TAFA2: variants seen among roughly 807,000 people sequenced by gnomAD.
TAFA2 encodes chemokine-like protein TAFA-2.
A neutral mutation model predicts 18.8 loss-of-function variants in TAFA2; 7 were observed. The observed-to-expected ratio is 0.37, with a 90% CI of 0.21 to 0.70. The LOEUF is 0.70. Among genes scored for constraint, TAFA2 ranks in the 30% least tolerant of loss-of-function variants. The probability of loss-of-function intolerance (pLI) is 0.53; values close to 1 mark genes in which losing one functional copy is unlikely to be tolerated. For synonymous variants in TAFA2, 60 were observed against 54.2 expected (o/e 1.11, Z -0.47); for missense variants, 122 against 158.1 (o/e 0.77, Z 1.23).
chr12:62,117,505 A>C (rs1367705434), intron 1 of TAFA2, among the ~76,000 whole-genome samples: 1 of 152,218 alleles, frequency 6.6e-6, no homozygotes, highest in African/African-American at 2.4e-5. Context: ...GGGACCCCAC[A>C]TATTTCCAAC....
At chr12:62,059,127 A>ATGTGTGTGTGTG (rs1565730985) in intron 1 of TAFA2, among the ~76,000 whole-genome samples, 3 of 83,198 alleles carry the variant, frequency 3.6e-5, no homozygotes, top group African/African-American at 1.4e-4. Context: ...TAATATATAT[A>ATGTGTGTGTGTG]TATGTGTGTA....
intron 1 of TAFA2, 58 bp from the exon 2 acceptor site, chr12:61,867,484 T>A (rs1874408986): frequency 2.9e-6 from 3 of 1,050,616 alleles, no homozygotes; most frequent in Admixed American, 3.8e-5. Flanking sequence ...TTTTCCCTTA[T>A]GATTGTGCTA....
intron 1 of TAFA2, among the ~76,000 whole-genome samples, chr12:61,889,211 T>A (rs1485686361): frequency 6.6e-6 from 1 of 152,242 alleles, no homozygotes; most frequent in Admixed American, 6.5e-5. Flanking sequence ...TTCTGTTGTC[T>A]CATAAGGAAC....
In TAFA2 at chr12:61,799,821, C is replaced by CAAAAT. The variant is rs983663428; in HGVS notation, c.107-44802_107-44798dup. Among the ~76,000 whole-genome samples, 62 of 151,926 alleles carry CAAAAT rather than the reference C, an allele frequency of 4.1e-4. 1 individual carries two copies. In the East Asian group the frequency reaches 5.8e-3, roughly 14 times the overall value. ...TGGGCGACAGAGCAAGACTCCGTCT[C>CAAAAT]AAAATAAAATAAAATAAAATAAAAA... is the stretch of plus-strand genomic sequence containing the variant. On this transcript the variant is annotated intron_variant, in intron 2 of 4. Coordinates refer to ENST00000416284, the MANE Select transcript of TAFA2 (RefSeq NM_178539.5).
At chr12:61,859,670 C>T (rs1592440376) in intron 2 of TAFA2, among the ~76,000 whole-genome samples, 1 of 152,150 alleles carries the variant, frequency 6.6e-6, no homozygotes, top group African/African-American at 2.4e-5. Context: ...TCTCAAACTC[C>T]TGACCTCGTG....
In TAFA2 at chr12:61,754,880, C is replaced by A; in HGVS notation, c.251G>T (p.Cys84Phe). 6.2e-7 allele frequency: 1 copy of A among 1,612,652 alleles called. No homozygotes were observed. The highest frequency in any genetic ancestry group is 8.5e-7 in the Non-Finnish European group (1 of 1,179,248). Reference sequence around the variant, plus strand: ...AATGGAAGAAGTCACACCATCCACACATGATGGAGCAGCTCGCGTGGTGCC... The same window carrying A: ...AATGGAAGAAGTCACACCATCCACAAATGATGGAGCAGCTCGCGTGGTGCC... ...VAGTTRAAPSCVDASIVEQKW... is the reference protein window; with the variant it reads ...VAGTTRAAPSFVDASIVEQKW... The change falls in exon 3 of 5, where the codon TGT (cysteine) becomes TTT (phenylalanine). Residue 84 changes from cysteine to phenylalanine, a missense_variant. Around this residue, in one of 2 missense-constraint regions of TAFA2, gnomAD observed 60 missense variants for 102.7 expected, o/e 0.58. Transcript: ENST00000416284.
chr12:61,947,675 A>G (rs933870385), intron 1 of TAFA2, among the ~76,000 whole-genome samples: 1 of 152,090 alleles, frequency 6.6e-6, no homozygotes, highest in East Asian at 1.9e-4. Context: ...CCAACAATAC[A>G]TGCTCTAAGA....
chr12:62,230,781 G>A (rs1268024275), intron 1 of TAFA2, among the ~76,000 whole-genome samples: 1 of 152,136 alleles, frequency 6.6e-6, no homozygotes, highest in Non-Finnish European at 1.5e-5. Context: ...GGGCTCACAT[G>A]ATCTTCTTGC....
intron 2 of TAFA2, among the ~76,000 whole-genome samples, chr12:61,764,439 T>C (rs566381748): frequency 6.6e-6 from 1 of 152,188 alleles, no homozygotes; most frequent in Admixed American, 6.6e-5. Flanking sequence ...AAGTGCTTTC[T>C]GAGGGAATGA....
chr12:61,796,167 TAGACAGACTAG>T (rs1355974060), intron 2 of TAFA2, among the ~76,000 whole-genome samples: 1 of 152,158 alleles, frequency 6.6e-6, no homozygotes, highest in African/African-American at 2.4e-5. Flanking sequence ...AACATATTTC[TAGACAGACTAG>T]TTAATGTTTA....
chr12:61,793,691 A>G (rs1871077589), intron 2 of TAFA2, among the ~76,000 whole-genome samples: 1 of 151,818 alleles, frequency 6.6e-6, no homozygotes, highest in African/African-American at 2.4e-5. Context: ...TACCAATTCT[A>G]TGAAAACCCT....
At chr12:62,139,858 G>C (rs2062226231) in intron 1 of TAFA2, 1 of 152,166 alleles carries the variant, frequency 6.6e-6, no homozygotes, top group East Asian at 1.9e-4. Context: ...GTCACACAGT[G>C]ACTTAGCCAG....
intron 1 of TAFA2, chr12:62,145,763 T>G (rs965634218): frequency 1.3e-5 from 2 of 152,250 alleles, no homozygotes; most frequent in African/African-American, 2.4e-5. Flanking sequence ...TGGTGAGGCA[T>G]GCACATGAAT....
chr12:61,840,030 A>G (rs17577103), intron 2 of TAFA2, among the ~76,000 whole-genome samples: 17,500 of 152,104 alleles, frequency 0.12, 1,010 homozygotes, highest in Middle Eastern at 0.18. Context: ...CGGAATGTCC[A>G]TGGAGCTCAG....
intron 1 of TAFA2, among the ~76,000 whole-genome samples, chr12:61,923,161 G>C (rs1272035450): frequency 6.6e-6 from 1 of 152,228 alleles, no homozygotes; most frequent in Admixed American, 6.5e-5. Context: ...GGCGGCTGTA[G>C]GTGCAGCTTC....
At chr12:61,889,761 CT>C (rs1875544913) in intron 1 of TAFA2, among the ~76,000 whole-genome samples, 1 of 152,184 alleles carries the variant, frequency 6.6e-6, no homozygotes. Context: ...CCGAATACTA[CT>C]GCCATATCCT....
chr12:61,828,300 C>CA (rs1393394983), intron 2 of TAFA2, among the ~76,000 whole-genome samples: 1 of 151,728 alleles, frequency 6.6e-6, no homozygotes, highest in Admixed American at 6.6e-5. Context: ...TTCTGATGAC[C>CA]AAAACGACCA....
intron 1 of TAFA2, among the ~76,000 whole-genome samples, chr12:61,999,370 G>T (rs1350735705): frequency 1.3e-5 from 2 of 152,168 alleles, no homozygotes; most frequent in Non-Finnish European, 2.9e-5. Flanking sequence ...GATTTGTCAG[G>T]TATTAATATC....
intron 1 of TAFA2, among the ~76,000 whole-genome samples, chr12:61,888,924 T>G (rs1875508617): frequency 6.6e-6 from 1 of 152,188 alleles, no homozygotes; most frequent in African/African-American, 2.4e-5. Context: ...TCAGTTATTT[T>G]CAACAAAAGC....
Sources: gnomAD v4.1 joint callset for allele counts (sites outside exome capture counted in the v4.1 genomes callset) on GRCh38, gnomAD v4.1.1 for gene constraint, gnomAD v4.1.1 regional missense constraint, MANE v1.5 for transcripts, NCBI Gene and HGNC (gene_info 2026-07-23, HGNC 2026-07-21) for gene names.